The following CNBD1 variants were observed in gnomAD, a reference collection of about 807,000 sequenced individuals.
The protein encoded by CNBD1 is cyclic nucleotide binding domain containing 1, also known as cyclic nucleotide-binding domain-containing protein 1.
A neutral mutation model predicts 54.4 loss-of-function variants in CNBD1; 71 were observed. The observed-to-expected ratio is 1.30, with a 90% CI of 1.08 to 1.59. CNBD1 has a LOEUF of 1.59. Ranked by LOEUF, CNBD1 falls within the 40% of genes most tolerant of loss-of-function variation. CNBD1 has a pLI of 0.00. For synonymous variants in CNBD1, 182 were observed against 170.7 expected (o/e 1.07, Z -0.51); for missense variants, 659 against 518.0 (o/e 1.27, Z -2.64).
intron 10 of CNBD1, among the ~76,000 whole-genome samples, chr8:87,378,497 T>C (rs962093278): frequency 5.9e-5 from 9 of 151,280 alleles, no homozygotes; most frequent in Non-Finnish European, 1.2e-4. Context: ...GGCTCCATTC[T>C]GTTCCATTGA....
chr8:87,382,904 T>A (rs577443749), downstream of CNBD1: 3 of 302,042 alleles, frequency 9.9e-6, no homozygotes, highest in Admixed American at 5.0e-5. Flanking sequence ...TCGGTATACA[T>A]GTAAAGTAGT....
At chr8:87,012,100 TAGAA>T (rs1809235157) in intron 4 of CNBD1, among the ~76,000 whole-genome samples, 1 of 152,296 alleles carries the variant, frequency 6.6e-6, no homozygotes, top group South Asian at 2.1e-4. Flanking sequence ...ATTTATAAGT[TAGAA>T]AGAACTAGAA....
At chr8:86,880,027 T>G (rs1331724384) in intron 1 of CNBD1, among the ~76,000 whole-genome samples, 1 of 152,140 alleles carries the variant, frequency 6.6e-6, no homozygotes, top group East Asian at 1.9e-4. Context: ...CACATTAGAA[T>G]TTTAGAAAGT....
At chr8:87,217,984 C>T (rs1038816327) in intron 5 of CNBD1, among the ~76,000 whole-genome samples, 4 of 152,008 alleles carry the variant, frequency 2.6e-5, no homozygotes, top group Non-Finnish European at 5.9e-5. Flanking sequence ...AACTTGGAGT[C>T]AGAAAAAACA....
intron 10 of CNBD1, among the ~76,000 whole-genome samples, chr8:87,371,354 C>T (rs957570126): frequency 1.3e-5 from 2 of 151,900 alleles, no homozygotes; most frequent in Non-Finnish European, 2.9e-5. Context: ...TTCTTCCTAC[C>T]CATGAGCATG....
intron 4 of CNBD1, among the ~76,000 whole-genome samples, chr8:87,156,128 A>G (rs1812728994): frequency 6.6e-6 from 1 of 151,478 alleles, no homozygotes; most frequent in South Asian, 2.1e-4. Context: ...GTGCTGAAAT[A>G]AAAGAAGAAC....
intron 2 of CNBD1, among the ~76,000 whole-genome samples, chr8:87,423,259 C>T (rs959295390): frequency 2.0e-5 from 3 of 151,296 alleles, no homozygotes; most frequent in Non-Finnish European, 4.4e-5. Context: ...TAATTGAATA[C>T]CCTTTATTTC....
At chr8:87,362,485 G>A (rs1166665168) in intron 10 of CNBD1, among the ~76,000 whole-genome samples, 2 of 151,996 alleles carry the variant, frequency 1.3e-5, no homozygotes, top group African/African-American at 4.8e-5. Flanking sequence ...AAGTTTGTTG[G>A]GCACCTATAG....
intron 4 of CNBD1, among the ~76,000 whole-genome samples, chr8:87,054,689 C>G (rs1370063133): frequency 6.6e-6 from 1 of 152,170 alleles, no homozygotes; most frequent in Non-Finnish European, 1.5e-5. Context: ...AGCAGGCTGT[C>G]AGGGACTGGA....
At chr8:87,228,234 C>A (rs981862092) in intron 5 of CNBD1, among the ~76,000 whole-genome samples, 1 of 150,864 alleles carries the variant, frequency 6.6e-6, no homozygotes, top group Non-Finnish European at 1.5e-5. Context: ...GCCTTCTTCT[C>A]TCAGCTCGTC....
intron 3 of CNBD1, among the ~76,000 whole-genome samples, chr8:86,912,588 A>G (rs1177329894): frequency 6.6e-6 from 1 of 152,234 alleles, no homozygotes; most frequent in African/African-American, 2.4e-5. Context: ...ATATAAAAAT[A>G]TAGCACACAC....
intron 4 of CNBD1, among the ~76,000 whole-genome samples, chr8:87,095,824 T>A (rs1287597477): frequency 2.0e-5 from 3 of 152,086 alleles, no homozygotes; most frequent in South Asian, 2.1e-4. Context: ...CACCTGGCTA[T>A]TTTTTTGTAT....
intron 4 of CNBD1, among the ~76,000 whole-genome samples, chr8:87,051,813 C>T (rs1023195587): frequency 4.3e-4 from 66 of 152,200 alleles, no homozygotes; most frequent in African/African-American, 1.5e-3. Flanking sequence ...GAACATGTCA[C>T]AGTGCTGCAG....
intron 10 of CNBD1, among the ~76,000 whole-genome samples, chr8:87,355,161 C>T (rs1053231458): frequency 6.6e-6 from 1 of 152,170 alleles, no homozygotes; most frequent in Non-Finnish European, 1.5e-5. Flanking sequence ...ACAAAGACAA[C>T]ATAGCTATAC....
chr8:86,939,272 A>G (rs1338117526), intron 3 of CNBD1, among the ~76,000 whole-genome samples: 1 of 152,204 alleles, frequency 6.6e-6, no homozygotes, highest in South Asian at 2.1e-4. Flanking sequence ...GATGTTAGCC[A>G]TTGACTTGAA....
chr8:87,356,596 G>A (rs1320624618), intron 10 of CNBD1, among the ~76,000 whole-genome samples: 3 of 151,302 alleles, frequency 2.0e-5, no homozygotes, highest in South Asian at 2.1e-4. Context: ...ATCCAACAAC[G>A]TACAATCATA....
At chr8:87,047,492 G>A (rs1586221127) in intron 4 of CNBD1, among the ~76,000 whole-genome samples, 2 of 152,126 alleles carry the variant, frequency 1.3e-5, no homozygotes, top group African/African-American at 4.8e-5. Flanking sequence ...AGACTAAAAA[G>A]CATTCCTGCC....
intron 4 of CNBD1, among the ~76,000 whole-genome samples, chr8:87,100,019 A>G (rs1342031234): frequency 2.6e-5 from 4 of 152,226 alleles, no homozygotes; most frequent in Non-Finnish European, 5.9e-5. Context: ...CAGCCTAAAA[A>G]GAAGTGTCCA....
chr8:87,015,431 T>G (rs1809334766), intron 4 of CNBD1, among the ~76,000 whole-genome samples: 1 of 152,120 alleles, frequency 6.6e-6, no homozygotes, highest in Non-Finnish European at 1.5e-5. Context: ...GTGATCTGCC[T>G]GCCTCAGCCT....
Sources: gnomAD v4.1 joint callset for allele counts (sites outside exome capture counted in the v4.1 genomes callset) on GRCh38, gnomAD v4.1.1 for gene constraint, MANE v1.5 for transcripts, NCBI Gene and HGNC (gene_info 2026-07-23, HGNC 2026-07-21) for gene names.